The following EIF2A variants were observed in gnomAD, a reference collection of about 807,000 sequenced individuals.
The protein encoded by EIF2A is 65 kDa eukaryotic translation initiation factor 2A.
In EIF2A, 62 loss-of-function variants were observed where a neutral mutation model predicts 75.2. That is an observed-to-expected ratio of 0.82 (90% CI 0.67 to 1.02). EIF2A has a LOEUF of 1.02. Ranked by LOEUF, EIF2A falls within the 50% of genes least tolerant of loss-of-function variation. The pLI, the probability that EIF2A is intolerant of heterozygous loss-of-function variation, is 0.00. For missense variants in EIF2A, 611 were observed against 677.7 expected, an observed-to-expected ratio of 0.90 and a Z score of 1.09; for synonymous variants, 207 against 239.0, an observed-to-expected ratio of 0.87 and a Z score of 1.23.
chr3:150,554,628 A>C (rs1723470956), intron 2 of EIF2A, among the ~76,000 whole-genome samples: 2 of 152,214 alleles, frequency 1.3e-5, no homozygotes, highest in Admixed American at 6.5e-5. Flanking sequence ...TGATGCTGCA[A>C]ATCTGGGGAC....
chr3:150,563,437 C>T (rs894181453), intron 4 of EIF2A, 78 bp from the exon 5 acceptor site: 1 of 1,196,066 alleles, frequency 8.4e-7, no homozygotes, highest in Non-Finnish European at 1.2e-6. Flanking sequence ...TAATCCATAT[C>T]AAACTTAATA....
At chr3:150,561,628 TG>T (rs1209236445) in intron 3 of EIF2A, among the ~76,000 whole-genome samples, 1 of 152,092 alleles carries the variant, frequency 6.6e-6, no homozygotes, top group Non-Finnish European at 1.5e-5. Context: ...CTAGCACCTC[TG>T]CCTTTCCTTT....
chr3:150,565,200 G>A (rs750310404), intron 6 of EIF2A: 43 of 456,518 alleles, frequency 9.4e-5, no homozygotes, highest in Non-Finnish European at 1.8e-4. Flanking sequence ...GTTGGCTCTA[G>A]AGTTTCAGCT....
At chr3:150,581,379 A>C (rs951038049) in intron 11 of EIF2A, among the ~76,000 whole-genome samples, 2 of 152,154 alleles carry the variant, frequency 1.3e-5, no homozygotes, top group African/African-American at 4.8e-5. Context: ...AATATGCAAA[A>C]GTTTGGAATG....
intron 13 of EIF2A, 35 bp downstream of exon 13, chr3:150,583,300 AC>A: frequency 6.3e-7 from 1 of 1,589,422 alleles, no homozygotes; most frequent in Non-Finnish European, 8.6e-7. Flanking sequence ...GCTTGTGGTG[AC>A]CACCAGCCTT....
At chr3:150,575,142 T>G (rs959376918) in intron 10 of EIF2A, among the ~76,000 whole-genome samples, 39 of 152,226 alleles carry the variant, frequency 2.6e-4, no homozygotes, top group Admixed American at 7.9e-4. Context: ...AATTATCTAG[T>G]TAATTACTCC....
intron 1 of EIF2A, 197 bp downstream of exon 1, chr3:150,547,027 C>T (rs1039916146): frequency 1.6e-6 from 1 of 631,786 alleles, no homozygotes; most frequent in Non-Finnish European, 2.7e-6. Context: ...TTTCGTATTC[C>T]CCCTCCCTTT....
At chr3:150,580,414 G>A (rs1002318417) in intron 11 of EIF2A, among the ~76,000 whole-genome samples, 6 of 152,150 alleles carry the variant, frequency 3.9e-5, no homozygotes, top group African/African-American at 1.4e-4. Flanking sequence ...TAAAAGATAT[G>A]TGAATATGGT....
chr3:150,580,484 A>G (rs975164230), intron 11 of EIF2A, among the ~76,000 whole-genome samples: 10 of 152,208 alleles, frequency 6.6e-5, no homozygotes, highest in Non-Finnish European at 1.0e-4. Flanking sequence ...AGATGGTACA[A>G]TGCTTGTGTG....
intron 12 of EIF2A, among the ~76,000 whole-genome samples, chr3:150,582,285 C>T (rs150599961): frequency 6.6e-6 from 1 of 151,764 alleles, no homozygotes; most frequent in African/African-American, 2.4e-5. Context: ...TGTGAGCCTC[C>T]TCGCCTGGCC....
chr3:150,575,126 A>T (rs547017524), intron 10 of EIF2A, among the ~76,000 whole-genome samples: 1 of 152,254 alleles, frequency 6.6e-6, no homozygotes, highest in South Asian at 2.1e-4. Flanking sequence ...TCAATCCCAG[A>T]TTTGTAATTA....
At chr3:150,569,906 A>G (rs551459538) in intron 9 of EIF2A, among the ~76,000 whole-genome samples, 66 of 152,362 alleles carry the variant, frequency 4.3e-4, no homozygotes, top group African/African-American at 1.5e-3. Flanking sequence ...GGAAGAGAAC[A>G]GAGTCCAGAA....
In EIF2A at chr3:150,575,635, T is replaced by C; in HGVS notation, c.1384-14T>C. 1 of 1,588,480 alleles carries C rather than the reference T, an allele frequency of 6.3e-7. No individual in the cohort carries two copies. The highest frequency in any genetic ancestry group is 8.5e-7 in the Non-Finnish European group (1 of 1,170,202). Reference sequence around the variant, plus strand: ...CATGGACTCCATTTCAAAATTATTTTACATTTTCCATAGCATGAAGAGGAA... The same window carrying C: ...CATGGACTCCATTTCAAAATTATTTCACATTTTCCATAGCATGAAGAGGAA... On this transcript the variant is annotated splice_polypyrimidine_tract_variant and intron_variant, in intron 10 of 13. Coordinates refer to ENST00000460851, the MANE Select transcript of EIF2A (RefSeq NM_032025.5).
intron 3 of EIF2A, among the ~76,000 whole-genome samples, chr3:150,559,408 G>A (rs989180034): frequency 7.9e-5 from 12 of 151,546 alleles, no homozygotes; most frequent in African/African-American, 2.4e-4. Context: ...ATGTTGATCA[G>A]GTTAGGCTCA....
chr3:150,572,450 T>C lies in EIF2A; in HGVS notation c.1304T>C (p.Val435Ala). The C allele has an allele frequency of 6.2e-7, 1 of 1,614,012 alleles. No homozygotes were observed. Among genetic ancestry groups the C allele is most frequent in the Non-Finnish European group, 8.5e-7 (1 of 1,179,888 alleles). ...ACTTACCAAGCAGTTCCAAGTGAAG[T>C]ACCCAATGAGGAACCTAAAGTTGCA... The part of the protein sequence containing the change: ...TITYQAVPSE[V>A]PNEEPKVATA... Residue 435 changes from valine (V) to alanine (A), a missense_variant, in exon 10 of 14, where the codon GTA becomes GCA. Transcript: ENST00000460851.
chr3:150,568,190 G>T lies in EIF2A; in HGVS notation c.709G>T (p.Val237Leu). Residue 237 changes from valine to leucine, a missense_variant, in exon 9 of 14, where the codon GTA becomes TTA. Coordinates refer to ENST00000460851, the MANE Select transcript of EIF2A (RefSeq NM_032025.5). Reference sequence around the variant, plus strand: ...TACTGTTATAGCTACTGCTGTGTTGGTAATAGCTAGCACAGATGTTGACAA... The same window carrying T: ...TACTGTTATAGCTACTGCTGTGTTGTTAATAGCTAGCACAGATGTTGACAA... ...LWNKKATAVL[V>L]IASTDVDKTG... 6.2e-7 allele frequency: 1 copy of T among 1,612,598 alleles called. No individual in the cohort carries two copies. The highest frequency in any genetic ancestry group is 8.5e-7 in the Non-Finnish European group (1 of 1,179,468).
intron 10 of EIF2A, among the ~76,000 whole-genome samples, chr3:150,572,986 A>T (rs1724630997): frequency 2.0e-5 from 3 of 152,290 alleles, no homozygotes; most frequent in South Asian, 4.1e-4. Flanking sequence ...ATATAAAGAC[A>T]TAACATGATA....
chr3:150,553,604 T>A (rs1300098924), intron 2 of EIF2A, among the ~76,000 whole-genome samples: 2 of 151,680 alleles, frequency 1.3e-5, no homozygotes, highest in Non-Finnish European at 2.9e-5. Context: ...AGTGACAGAG[T>A]TTCACCGTGT....
chr3:150,550,274 A>G (rs4681635), intron 1 of EIF2A, among the ~76,000 whole-genome samples: 2 of 152,250 alleles, frequency 1.3e-5, no homozygotes, highest in Non-Finnish European at 2.9e-5. Flanking sequence ...CTAACTACGC[A>G]TTGTATTTAG....
Sources: gnomAD v4.1 joint callset for allele counts (sites outside exome capture counted in the v4.1 genomes callset) on GRCh38, gnomAD v4.1.1 for gene constraint, MANE v1.5 for transcripts, NCBI Gene and HGNC (gene_info 2026-07-23, HGNC 2026-07-21) for gene names.